The following FGD6 variants were observed in gnomAD, a reference collection of about 807,000 sequenced individuals.
FGD6 encodes the protein FYVE, RhoGEF and PH domain containing 6, also known as FYVE, RhoGEF and PH domain-containing protein 6.
Under a neutral mutation model 149.4 loss-of-function variants are expected in FGD6, and 90 were observed. The observed-to-expected ratio is 0.60, with a 90% CI of 0.51 to 0.72. FGD6 has a LOEUF of 0.72. FGD6 is among the 30% of genes least tolerant of loss of function. The pLI, the probability that FGD6 is intolerant of heterozygous loss-of-function variation, is 0.00. For synonymous variants in FGD6, 527 were observed against 584.0 expected (o/e 0.90, Z 1.41); for missense variants, 1,437 against 1,684.8 (o/e 0.85, Z 2.57).
intron 5 of FGD6, among the ~76,000 whole-genome samples, chr12:95,148,852 ATATAT>A (rs1384404848): frequency 1.6e-5 from 1 of 63,266 alleles, no homozygotes; most frequent in Non-Finnish European, 2.9e-5. Context: ...CATATATTAT[ATATAT>A]TATATAAGAT....
Position 95,145,956 on chromosome 12 carries a change from G to A in FGD6, c.2686-4417C>T, listed in dbSNP as rs184317189. Among the ~76,000 whole-genome samples the A allele has an allele frequency of 9.9e-4, 150 of 152,274 alleles. 4 individuals carry two copies. In the East Asian group the frequency reaches 0.023, roughly 23 times the overall value. The stretch of plus-strand genomic sequence containing the variant: ...CCCAAAGTGCTGGGATTATAGGCAC[G>A]AGCCACTGCGCCAGGCCCCCTATGC... On this transcript the variant is annotated intron_variant, in intron 5 of 20. Transcript: ENST00000343958.
chr12:95,086,983 G>C (rs1877899807), intron 18 of FGD6, among the ~76,000 whole-genome samples: 1 of 151,704 alleles, frequency 6.6e-6, no homozygotes, highest in Non-Finnish European at 1.5e-5. Context: ...GAGTAGCTGG[G>C]ATTACAGGCG....
At position 95,210,015 on chromosome 12, in the gene FGD6, A is replaced by G; in HGVS notation, c.1269T>C (p.Asn423=). ...CTACAGTTGTGCTGTCAGAACTCAA[A>G]TTAGAGTCTTTATCAAAAGAAGGTG... The part of the protein sequence containing the change: ...KMAPSFDKDS[N]LSSDSTTVDG... Residue 423 remains asparagine, a synonymous_variant, in exon 2 of 21, where the codon AAT becomes AAC. Coordinates refer to ENST00000343958, the MANE Select transcript of FGD6 (RefSeq NM_018351.4). 2 of 1,613,582 alleles carry G rather than the reference A, an allele frequency of 1.2e-6. No homozygotes were observed. The highest frequency in any genetic ancestry group is 1.7e-6 in the Non-Finnish European group (2 of 1,179,856).
At chr12:95,215,155 C>T (rs2056747592) in intron 1 of FGD6, among the ~76,000 whole-genome samples, 1 of 152,182 alleles carries the variant, frequency 6.6e-6, no homozygotes, top group Non-Finnish European at 1.5e-5. Flanking sequence ...GCCACTGCGC[C>T]CAGCCTCTCC....
chr12:95,139,450 A>G (rs1879777311), intron 6 of FGD6, among the ~76,000 whole-genome samples: 1 of 151,970 alleles, frequency 6.6e-6, no homozygotes, highest in Non-Finnish European at 1.5e-5. Flanking sequence ...AAAAAAAAAA[A>G]ATCGGAAGCA....
chr12:95,087,049 T>A (rs545442201), intron 18 of FGD6, among the ~76,000 whole-genome samples: 1 of 151,192 alleles, frequency 6.6e-6, no homozygotes, highest in Admixed American at 6.6e-5. Context: ...GGTTTCGCCA[T>A]GTTGGCCAGG....
In FGD6 at chr12:95,134,776, C is replaced by T. The variant is rs200014128; in HGVS notation, c.3045G>A (p.Pro1015=). ...GCCTGTACTGGGGGATCCTCTGAAC[C>T]GGCTTGAGCAGGTAGTGCTTGAGGG... ...NLALKHYLLK[P]VQRIPQYRLL... The change falls in exon 8 of 21, where the codon CCG becomes CCA. Residue 1015 remains proline, a synonymous_variant. Transcript: ENST00000343958. 294 of 1,613,876 alleles carry T rather than the reference C, an allele frequency of 1.8e-4. 1 individual carries two copies. In the South Asian group the frequency reaches 3.0e-3, roughly 17 times the overall value.
chr12:95,093,077 C>T (rs943823189), intron 15 of FGD6, among the ~76,000 whole-genome samples: 8 of 151,916 alleles, frequency 5.3e-5, no homozygotes, highest in South Asian at 4.2e-4. Context: ...AAAAATTAGC[C>T]GGGTGTGGTG....
intron 2 of FGD6, among the ~76,000 whole-genome samples, chr12:95,193,697 T>G (rs1368606995): frequency 6.6e-6 from 1 of 151,846 alleles, no homozygotes; most frequent in Non-Finnish European, 1.5e-5. Flanking sequence ...CCCAGCTAAT[T>G]TTCATATTTT....
chr12:95,196,302 G>A (rs939763514), intron 2 of FGD6, among the ~76,000 whole-genome samples: 1 of 152,204 alleles, frequency 6.6e-6, no homozygotes. Flanking sequence ...TTAGAAACAA[G>A]GTCTTGCTAC....
At chr12:95,133,960 T>C (rs1441419028) in intron 8 of FGD6, among the ~76,000 whole-genome samples, 1 of 152,128 alleles carries the variant, frequency 6.6e-6, no homozygotes, top group Non-Finnish European at 1.5e-5. Context: ...TGTTTTTGCT[T>C]TTTTCTTTCC....
chr12:95,210,952 G>A lies in FGD6; in HGVS notation c.332C>T (p.Ser111Phe). Reference protein sequence around the residue: ...QSNDYISPMCSCSSECIHKLG... With the variant: ...QSNDYISPMCFCSSECIHKLG... ...CTTATGGATACACTCAGAACTGCAG[G>A]AACACATTGGTGAAATATAATCATT... is the stretch of plus-strand genomic sequence containing the variant. Residue 111 changes from serine (S) to phenylalanine (F), a missense_variant, in exon 2 of 21, where the codon TCC (serine) becomes TTC (phenylalanine). Coordinates refer to ENST00000343958, the MANE Select transcript of FGD6 (RefSeq NM_018351.4). 1 of 1,614,168 alleles carries A rather than the reference G, an allele frequency of 6.2e-7. No homozygotes were observed. Among genetic ancestry groups the A allele is most frequent in the Non-Finnish European group, 8.5e-7 (1 of 1,180,038 alleles).
intron 8 of FGD6, among the ~76,000 whole-genome samples, chr12:95,132,874 C>A (rs185000055): frequency 8.1e-4 from 124 of 152,246 alleles, no homozygotes; most frequent in Non-Finnish European, 9.6e-4. Flanking sequence ...TGTCTTTTGC[C>A]ACTAAAAACA....
At position 95,080,450 on chromosome 12, in the gene FGD6, TAGAG is replaced by T. The variant is rs951243029; in HGVS notation, c.*1066_*1069del. ...AAGGAGGTGTGCTGATAGCTGCTTA[TAGAG>T]AAAGGATTTGTTGTTTTTTTTTTTA... is the stretch of plus-strand genomic sequence containing the variant. On this transcript the variant is annotated 3_prime_UTR_variant, in exon 21 of 21. Transcript: ENST00000343958. 1.4e-5 allele frequency: 2 copies of T among 147,468 alleles called. No homozygotes were observed. Among genetic ancestry groups the T allele is most frequent in the Admixed American group, 1.3e-4 (2 of 14,930 alleles). 9.1% of individuals were successfully genotyped at this position (147,468 alleles called of 1,614,324 possible). A position where few individuals can be genotyped will look rare whatever the true frequency, so the allele number is the denominator to read the frequency against.
intron 2 of FGD6, among the ~76,000 whole-genome samples, chr12:95,194,597 G>A (rs938914777): frequency 1.3e-4 from 20 of 151,316 alleles, no homozygotes; most frequent in Middle Eastern, 3.4e-3. Flanking sequence ...AGGGGTTGAC[G>A]GGAAGAGGTG....
intron 2 of FGD6, among the ~76,000 whole-genome samples, chr12:95,176,385 C>T (rs571917747): frequency 2.4e-4 from 36 of 152,288 alleles, no homozygotes; most frequent in South Asian, 4.1e-4. Flanking sequence ...CATAGGGCTT[C>T]CTCCACGTCT....
At chr12:95,125,497 A>T (rs1163375779) in intron 8 of FGD6, among the ~76,000 whole-genome samples, 1 of 152,132 alleles carries the variant, frequency 6.6e-6, no homozygotes, top group Admixed American at 6.6e-5. Context: ...TTAGCCGGGT[A>T]TGGTGGTGCA....
intron 2 of FGD6, among the ~76,000 whole-genome samples, chr12:95,202,362 G>A (rs1018730489): frequency 3.1e-5 from 4 of 127,318 alleles, no homozygotes; most frequent in African/African-American, 1.1e-4. Flanking sequence ...ACACCAGCCT[G>A]GGCGACACAG....
chr12:95,104,921 C>A (rs1037660379), intron 14 of FGD6, 86 bp downstream of exon 14: 46 of 1,282,544 alleles, frequency 3.6e-5, no homozygotes, highest in Non-Finnish European at 4.2e-5. Flanking sequence ...TCAAAAAAAA[C>A]CAAAAACCAA....
Sources: gnomAD v4.1 joint callset for allele counts (sites outside exome capture counted in the v4.1 genomes callset) on GRCh38, gnomAD v4.1.1 for gene constraint, MANE v1.5 for transcripts, NCBI Gene and HGNC (gene_info 2026-07-23, HGNC 2026-07-21) for gene names.